RYR1: variants seen among roughly 807,000 people sequenced by gnomAD.
RYR1 encodes the protein central core disease of muscle.
A neutral mutation model predicts 583.5 loss-of-function variants in RYR1; 342 were observed. The observed-to-expected ratio is 0.59, with a 90% CI of 0.54 to 0.64. RYR1 has a LOEUF of 0.64. Among genes scored for constraint, RYR1 ranks in the 30% least tolerant of loss-of-function variants. RYR1 has a pLI of 0.00. For missense variants in RYR1, 6,032 were observed against 6,917.2 expected (o/e 0.87, Z 4.54); for synonymous variants, 2,791 against 2,822.5 (o/e 0.99, Z 0.35).
At chr19:38,464,770 G>C (rs1388126327) in intron 23 of RYR1, 48 bp downstream of exon 23, 1 of 1,519,762 alleles carries the variant, frequency 6.6e-7, no homozygotes, top group Non-Finnish European at 9.0e-7. Flanking sequence ...TGGGGGCTGG[G>C]GATGCTGTGC....
At chr19:38,579,136 A>T (rs1974086309) in intron 99 of RYR1, among the ~76,000 whole-genome samples, 1 of 146,494 alleles carries the variant, frequency 6.8e-6, no homozygotes, top group East Asian at 2.1e-4. Flanking sequence ...AAAAACAGAG[A>T]GTGGCCAGGT....
chr19:38,536,881 C>T, intron 83 of RYR1, 114 bp downstream of exon 83: 1 of 1,155,404 alleles, frequency 8.7e-7, no homozygotes, highest in South Asian at 1.3e-5. Context: ...GGGAGGGACC[C>T]TTCAGCAGGT....
chr19:38,542,238 A>G (rs1972229790), intron 84 of RYR1, among the ~76,000 whole-genome samples: 1 of 151,996 alleles, frequency 6.6e-6, no homozygotes, highest in Non-Finnish European at 1.5e-5. Flanking sequence ...CACTCAATAA[A>G]ATATGTTGAA....
Position 38,496,142 on chromosome 19 carries a change from C to A in RYR1, c.6549-73C>A. 1.6e-6 allele frequency: 2 copies of A among 1,222,914 alleles called. No individual in the cohort carries two copies. The highest frequency in any genetic ancestry group is 1.7e-5 in the Admixed American group (1 of 59,230). The allele number at this position is 1,222,914 out of a possible 1,614,324, so 75.8% of individuals were successfully genotyped here. A position where few individuals can be genotyped will look rare whatever the true frequency, so the allele number is the denominator to read the frequency against. On this transcript the variant is annotated intron_variant, in intron 39 of 105. Coordinates refer to ENST00000359596, the MANE Select transcript of RYR1 (RefSeq NM_000540.3). The surrounding 1 kb of genome is among the most constrained non-coding windows in gnomAD (Gnocchi z 4.8). ...AGTGAGAGGGTCAAGAATGCCAACG[C>A]TGTCACAGTGGTGGCTATGGCCCTC...
chr19:38,529,120 C>A, intron 76 of RYR1, 63 bp downstream of exon 76: 1 of 1,546,224 alleles, frequency 6.5e-7, no homozygotes, highest in Non-Finnish European at 8.9e-7. Context: ...CCCAGCCCAG[C>A]AGCTTCCCTG....
rs1967997615 is a variant in RYR1, at chr19:38,464,688, G to T, written c.2836G>T (p.Glu946Ter). 6.3e-7 allele frequency: 1 copy of T among 1,593,146 alleles called. No individual in the cohort carries two copies. The highest frequency in any genetic ancestry group is 1.8e-5 in the Admixed American group (1 of 56,514). ...CGTGGGCATGGCGGATGAGAAGGCG[G>T]AGGACAACCTGAAGAAGACAAAACT... ...CHVGMADEKA[E>*]DNLKKTKLPK... Residue 946 changes from glutamate (E) to a stop codon, truncating the protein, a stop_gained, in exon 23 of 106, where the codon GAG becomes TAG. Coordinates refer to ENST00000359596, the MANE Select transcript of RYR1 (RefSeq NM_000540.3). LOFTEE classifies it high-confidence loss of function.
Position 38,510,668 on chromosome 19 carries a change from C to T in RYR1, c.9009C>T (p.Leu3003=), listed in dbSNP as rs748143185. ...QEIKFFAKIL[L]PLINQYFTNH... is the part of the protein sequence containing the mutation. ...CCCCAACCCGTCTCCAGATCCTGCT[C>T]CCTTTGATCAACCAGTACTTCACCA... The change falls in exon 60 of 106, where the codon CTC becomes CTT. Residue 3003 remains leucine (L), a synonymous_variant. Transcript: ENST00000359596. 2 of 1,614,032 alleles carry T rather than the reference C, an allele frequency of 1.2e-6. No individual in the cohort carries two copies. Among genetic ancestry groups the T allele is most frequent in the Non-Finnish European group, 1.7e-6 (2 of 1,180,036 alleles).
rs1969490927 is a variant in RYR1, at chr19:38,490,216, C to T, written c.5955C>T (p.Ser1985=). ...ATGGCCTCCTCATAAAAGCCTTCAGCATGACCGCAGCAGAGACTGCAAGAC... is the reference window on the plus strand; with the variant it reads ...ATGGCCTCCTCATAAAAGCCTTCAGTATGACCGCAGCAGAGACTGCAAGAC... ...SRYGLLIKAF[S]MTAAETARRT... is the part of the protein sequence containing the mutation. The change falls in exon 36 of 106, where the codon AGC becomes AGT. Residue 1985 remains serine (S), a synonymous_variant. Transcript: ENST00000359596. 6.2e-7 allele frequency: 1 copy of T among 1,614,082 alleles called. No individual in the cohort carries two copies. Among genetic ancestry groups the T allele is most frequent in the African/African-American group, 1.3e-5 (1 of 74,942 alleles).
At chr19:38,532,355 T>C in intron 76 of RYR1, 135 bp from the exon 77 acceptor site, 1 of 852,562 alleles carries the variant, frequency 1.2e-6, no homozygotes, top group South Asian at 1.4e-5. Context: ...ACTCCTGATC[T>C]CAAGTGATCT....
rs781610833 is a variant in RYR1, at chr19:38,528,568, G to A, written c.10938-31G>A. 5.6e-6 allele frequency: 9 copies of A among 1,610,528 alleles called. No individual in the cohort carries two copies. In the Admixed American group the frequency reaches 1.3e-4, roughly 24 times the overall value. ...GGTCGGGAAGCACGGAGGAGGGCGC[G>A]TCCCAGTGACGTCACACCTCTCCCC... On this transcript the variant is annotated intron_variant, in intron 74 of 105. Transcript: ENST00000359596.
Position 38,585,118 on chromosome 19 carries a change from C to A in RYR1, c.14803+19C>A. The stretch of plus-strand genomic sequence containing the variant: ...ATCCAGGGTCAGTGCTGGGAGTGGG[C>A]GCTCAGGGCCCGGAGGCAGGCTAGC... On this transcript the variant is annotated intron_variant, in intron 102 of 105. Coordinates refer to ENST00000359596, the MANE Select transcript of RYR1 (RefSeq NM_000540.3). The A allele has an allele frequency of 1.2e-6, 2 of 1,612,388 alleles. No individual in the cohort carries two copies. Among genetic ancestry groups the A allele is most frequent in the Non-Finnish European group, 8.5e-7 (1 of 1,179,226 alleles).
At chr19:38,505,157 C>A (rs1318091780) in intron 52 of RYR1, 76 bp downstream of exon 52, 2 of 1,367,436 alleles carry the variant, frequency 1.5e-6, no homozygotes, top group Non-Finnish European at 2.1e-6. Context: ...TTCCCTGAGG[C>A]CCCAGATCTC....
intron 20 of RYR1, 43 bp from the exon 21 acceptor site, chr19:38,463,380 G>A: frequency 1.3e-6 from 2 of 1,551,454 alleles, no homozygotes; most frequent in Non-Finnish European, 1.8e-6. Context: ...ATGGAGGAGG[G>A]TAGAGGGACC....
At chr19:38,487,653 A>G (rs1969360910) in intron 34 of RYR1, among the ~76,000 whole-genome samples, 1 of 152,214 alleles carries the variant, frequency 6.6e-6, no homozygotes, top group South Asian at 2.1e-4. Context: ...TGTCCAGGCA[A>G]GACAGGGTCT....
intron 90 of RYR1, among the ~76,000 whole-genome samples, chr19:38,562,042 C>T (rs1973169541): frequency 6.6e-6 from 1 of 152,076 alleles, no homozygotes; most frequent in Non-Finnish European, 1.5e-5. Flanking sequence ...TGGGCCCACA[C>T]GTGGGTGCAC....
chr19:38,534,878 C>T, intron 79 of RYR1, 59 bp downstream of exon 79: 1 of 1,538,006 alleles, frequency 6.5e-7, no homozygotes, highest in South Asian at 1.2e-5. Flanking sequence ...CTCACTCCTC[C>T]TGGCTCGCCC....
chr19:38,511,563 T>G lies in RYR1; in HGVS notation c.9125T>G (p.Leu3042Arg), dbSNP rs748874981. The part of the protein sequence containing the change: ...SNKEKEMITS[L>R]FCKLAALVRH... ...TCTGTCCCTTTCTCTTTCTTCAGCC[T>G]CTTCTGCAAACTTGCTGCTCTCGTC... Residue 3042 changes from leucine to arginine, a missense_variant and splice_region_variant, in exon 61 of 106, where the codon CTC becomes CGC. This residue lies in a region of RYR1 where 1,493 missense variants were observed against 1,715.5 expected (regional missense o/e 0.87). Coordinates refer to ENST00000359596, the MANE Select transcript of RYR1 (RefSeq NM_000540.3). 2 of 1,613,806 alleles carry G rather than the reference T, an allele frequency of 1.2e-6. No individual in the cohort carries two copies. The highest frequency in any genetic ancestry group is 2.2e-5 in the South Asian group (2 of 91,084).
At position 38,543,390 on chromosome 19, in the gene RYR1, T is replaced by G; in HGVS notation, c.11733T>G (p.Thr3911=). Residue 3911 remains threonine (T), a synonymous_variant, in exon 85 of 106, where the codon ACT becomes ACG. Coordinates refer to ENST00000359596, the MANE Select transcript of RYR1 (RefSeq NM_000540.3). The surrounding 1 kb of genome is among the most constrained non-coding windows in gnomAD (Gnocchi z 4.4). ...YLRTQTGNTT[T]INIIICTVDY... ...GGACACAGACAGGGAACACGACCAC[T>G]ATTAACATCATCATTTGCACTGTGG... is the stretch of plus-strand genomic sequence containing the variant. 6.2e-7 allele frequency: 1 copy of G among 1,614,224 alleles called. No individual in the cohort carries two copies. Among genetic ancestry groups the G allele is most frequent in the South Asian group, 1.1e-5 (1 of 91,088 alleles).
At chr19:38,519,074 TA>T in intron 66 of RYR1, 139 bp from the exon 67 acceptor site, 1 of 1,376,948 alleles carries the variant, frequency 7.3e-7, no homozygotes, top group Non-Finnish European at 1.0e-6. Flanking sequence ...GTTCAGGGAC[TA>T]TATCCAAGGT....
Sources: allele counts gnomAD v4.1 joint callset (sites outside exome capture counted in the v4.1 genomes callset), GRCh38; gene constraint gnomAD v4.1.1; regional missense constraint gnomAD v4.1.1; non-coding constraint Gnocchi (gnomAD v3.1); transcripts MANE v1.5; gene names NCBI Gene and HGNC (gene_info 2026-07-23, HGNC 2026-07-21).